DEFB131B: variants seen among roughly 807,000 people sequenced by gnomAD.
DEFB131B encodes beta-defensin 131B.
A neutral mutation model predicts 2.1 loss-of-function variants in DEFB131B; 2 were observed. The observed-to-expected ratio is 0.94, with a 90% CI of 0.38 to 2.95. DEFB131B has a LOEUF of 2.95. Among genes scored for constraint, DEFB131B ranks in the 30% most tolerant of loss-of-function variants. The probability of loss-of-function intolerance (pLI) is 0.09; values close to 1 mark genes in which losing one functional copy is unlikely to be tolerated. For missense variants in DEFB131B, 77 were observed against 78.5 expected, an observed-to-expected ratio of 0.98 and a Z score of 0.07; for synonymous variants, 26 against 25.8, an observed-to-expected ratio of 1.01 and a Z score of -0.03.
rs1213897229 is a variant in DEFB131B, at chr11:71,883,389, A to G, written c.59-1018A>G. Among the ~76,000 whole-genome samples, 4 of 152,366 alleles carry G rather than the reference A, an allele frequency of 2.6e-5. No homozygotes were observed. In the East Asian group the frequency reaches 7.7e-4, roughly 29 times the overall value. On this transcript the variant is annotated intron_variant, in intron 1 of 1. Transcript: ENST00000530210. Reference sequence around the variant, plus strand: ...AACTGTGTGCTACTGGGATAAAGATAGACATATAGGCCACTGGAAGAGAAT... The same window carrying G: ...AACTGTGTGCTACTGGGATAAAGATGGACATATAGGCCACTGGAAGAGAAT...
chr11:71,884,274 C>G, intron 1 of DEFB131B, 133 bp from the exon 2 acceptor site: 1 of 1,068,200 alleles, frequency 9.4e-7, no homozygotes, highest in Non-Finnish European at 1.3e-6. Context: ...TTTTCTCTTG[C>G]ATTCTTTTGC....
rs775354725 is a variant in DEFB131B, at chr11:71,884,442, G to C, written c.94G>C (p.Glu32Gln). Reference protein sequence around the residue: ...SFTSNDECPSEYYHCRLKCNA... With the variant: ...SFTSNDECPSQYYHCRLKCNA... Reference sequence around the variant, plus strand: ...CACTTCTAATGATGAATGTCCTTCAGAATATTATCATTGCAGACTGAAGTG... The same window carrying C: ...CACTTCTAATGATGAATGTCCTTCACAATATTATCATTGCAGACTGAAGTG... Residue 32 changes from glutamate to glutamine, a missense_variant, in exon 2 of 2, where the codon GAA (glutamate) becomes CAA (glutamine). Coordinates refer to ENST00000530210, the MANE Select transcript of DEFB131B (RefSeq NM_001242853.1). 1 of 1,605,600 alleles carries C rather than the reference G, an allele frequency of 6.2e-7. No homozygotes were observed. Among genetic ancestry groups the C allele is most frequent in the Non-Finnish European group, 8.5e-7 (1 of 1,175,738 alleles).
chr11:71,879,922 C>T lies in DEFB131B; in HGVS notation c.58+1412C>T, dbSNP rs532062880. On this transcript the variant is annotated intron_variant, in intron 1 of 1. Coordinates refer to ENST00000530210, the MANE Select transcript of DEFB131B (RefSeq NM_001242853.1). ...CATGTTGTGGCATAGATTCGTACTT[C>T]ATTCCTTCATTCAGTGGTCATCAGT... Among the ~76,000 whole-genome samples the T allele has an allele frequency of 7.2e-5, 11 of 152,240 alleles. No homozygotes were observed. The South Asian group carries it at 1.7e-3, about 23-fold the overall frequency.
At chr11:71,879,657 C>T (rs1952547735) in intron 1 of DEFB131B, among the ~76,000 whole-genome samples, 1 of 151,872 alleles carries the variant, frequency 6.6e-6, no homozygotes, top group Non-Finnish European at 1.5e-5. Flanking sequence ...TTAAAGTGTT[C>T]TATTCAGTGG....
At chr11:71,879,370 A>C (rs567616808) in intron 1 of DEFB131B, among the ~76,000 whole-genome samples, 1 of 152,304 alleles carries the variant, frequency 6.6e-6, no homozygotes, top group South Asian at 2.1e-4. Context: ...AATCAATATG[A>C]CTTTCCCAAA....
chr11:71,879,177 C>G (rs1351492324), intron 1 of DEFB131B, among the ~76,000 whole-genome samples: 1 of 152,146 alleles, frequency 6.6e-6, no homozygotes, highest in Non-Finnish European at 1.5e-5. Flanking sequence ...CCTTGGTTCA[C>G]AGGATAAATT....
At position 71,884,438 on chromosome 11, in the gene DEFB131B, T is replaced by A. The variant is rs1332732211; in HGVS notation, c.90T>A (p.Pro30=). Residue 30 remains proline, a synonymous_variant, in exon 2 of 2, where the codon CCT becomes CCA. Transcript: ENST00000530210. ...TRSFTSNDEC[P]SEYYHCRLKC... is the part of the protein sequence containing the mutation. Reference sequence around the variant, plus strand: ...GCTTCACTTCTAATGATGAATGTCCTTCAGAATATTATCATTGCAGACTGA... The same window carrying A: ...GCTTCACTTCTAATGATGAATGTCCATCAGAATATTATCATTGCAGACTGA... 5.0e-6 allele frequency: 8 copies of A among 1,603,630 alleles called. No homozygotes were observed. Among genetic ancestry groups the A allele is most frequent in the Non-Finnish European group, 6.8e-6 (8 of 1,174,528 alleles).
intron 1 of DEFB131B, among the ~76,000 whole-genome samples, chr11:71,883,842 G>C (rs1791456): frequency 0.091 from 13,805 of 152,194 alleles, 1,115 homozygotes; most frequent in African/African-American, 0.19. Flanking sequence ...ACACTGGGAA[G>C]CTGGAACTAA....
Position 71,880,716 on chromosome 11 carries a change from T to C in DEFB131B, c.58+2206T>C, listed in dbSNP as rs114547072. Among the ~76,000 whole-genome samples, 1,300 of 152,310 alleles carry C rather than the reference T, an allele frequency of 8.5e-3. 21 individuals are homozygous for C. The highest frequency in any genetic ancestry group is 0.03 in the African/African-American group (1,247 of 41,566). ...AGGCTTTGGTATGTTGTGTTTCCAT[T>C]TGCATTTATTTCAAGAACATTTGTT... On this transcript the variant is annotated intron_variant, in intron 1 of 1. Transcript: ENST00000530210.
At chr11:71,882,327 G>A (rs1462683646) in intron 1 of DEFB131B, among the ~76,000 whole-genome samples, 3 of 151,926 alleles carry the variant, frequency 2.0e-5, no homozygotes, top group African/African-American at 7.3e-5. Flanking sequence ...AGTGACCTTG[G>A]CTCACTGCAG....
chr11:71,879,861 C>T (rs1257381136), intron 1 of DEFB131B, among the ~76,000 whole-genome samples: 1 of 152,034 alleles, frequency 6.6e-6, no homozygotes, highest in East Asian at 1.9e-4. Flanking sequence ...TCATGTCTGC[C>T]TTCTTTCATT....
At chr11:71,878,814 A>G (rs1172722885) in intron 1 of DEFB131B, among the ~76,000 whole-genome samples, 11 of 151,408 alleles carry the variant, frequency 7.3e-5, no homozygotes, top group Admixed American at 1.3e-4. Context: ...AACAGGGTGA[A>G]ACCCCATCTC....
Position 71,884,494 on chromosome 11 carries a change from A to G in DEFB131B, c.146A>G (p.Tyr49Cys). 1 of 1,610,482 alleles carries G rather than the reference A, an allele frequency of 6.2e-7. No homozygotes were observed. Among genetic ancestry groups the G allele is most frequent in the Non-Finnish European group, 8.5e-7 (1 of 1,178,892 alleles). ...AATGCTGATGAACATGCAATTAGATACTGTGCTGACTTCAGCATCTGCTGC... is the reference window on the plus strand; with the variant it reads ...AATGCTGATGAACATGCAATTAGATGCTGTGCTGACTTCAGCATCTGCTGC... Reference protein sequence around the residue: ...KCNADEHAIRYCADFSICCKL... With the variant: ...KCNADEHAIRCCADFSICCKL... Residue 49 changes from tyrosine to cysteine, a missense_variant, in exon 2 of 2, where the codon TAC becomes TGC. Coordinates refer to ENST00000530210, the MANE Select transcript of DEFB131B (RefSeq NM_001242853.1).
At chr11:71,881,139 G>C (rs1275612415) in intron 1 of DEFB131B, among the ~76,000 whole-genome samples, 1 of 152,088 alleles carries the variant, frequency 6.6e-6, no homozygotes, top group African/African-American at 2.4e-5. Context: ...ATGATGTTGA[G>C]GTGTATCTCT....
intron 1 of DEFB131B, among the ~76,000 whole-genome samples, chr11:71,882,784 C>T (rs1361816264): frequency 3.9e-5 from 6 of 152,140 alleles, no homozygotes; most frequent in African/African-American, 1.2e-4. Context: ...GGCATCCAAA[C>T]TGTTGGGGGG....
Sources: allele counts gnomAD v4.1 joint callset (sites outside exome capture counted in the v4.1 genomes callset), GRCh38; gene constraint gnomAD v4.1.1; transcripts MANE v1.5; gene names NCBI Gene and HGNC (gene_info 2026-07-23, HGNC 2026-07-21).